JAZF1: variants seen among roughly 807,000 people sequenced by gnomAD.
JAZF1 encodes the protein JAZF zinc finger 1.
A neutral mutation model predicts 26.4 loss-of-function variants in JAZF1; 8 were observed. The ratio of observed to expected loss-of-function variants is 0.30; its 90% CI spans 0.18 to 0.55. The LOEUF (loss-of-function observed/expected upper bound fraction) is 0.55. Among genes scored for constraint, JAZF1 ranks in the 20% least tolerant of loss-of-function variants. The probability of loss-of-function intolerance (pLI) is 0.94; values close to 1 mark genes in which losing one functional copy is unlikely to be tolerated. For missense variants in JAZF1, 199 were observed against 322.0 expected, an observed-to-expected ratio of 0.62 and a Z score of 2.92; for synonymous variants, 126 against 122.3, an observed-to-expected ratio of 1.03 and a Z score of -0.20.
chr7:27,910,170 C>T (rs771716202), intron 2 of JAZF1, among the ~76,000 whole-genome samples: 1 of 152,104 alleles, frequency 6.6e-6, no homozygotes, highest in Non-Finnish European at 1.5e-5. Flanking sequence ...TGCTGTCTTG[C>T]ACAGTATAGT....
intron 2 of JAZF1, among the ~76,000 whole-genome samples, chr7:27,932,897 G>A (rs975025000): frequency 1.3e-5 from 2 of 152,116 alleles, no homozygotes; most frequent in African/African-American, 4.8e-5. Flanking sequence ...TGCTTCTTTA[G>A]GATGTTTTTG....
intron 2 of JAZF1, among the ~76,000 whole-genome samples, chr7:27,939,658 G>C (rs531420166): frequency 2.0e-5 from 3 of 152,072 alleles, no homozygotes; most frequent in Admixed American, 6.5e-5. Flanking sequence ...GCCTCCTAGA[G>C]GGGGAAGACC....
chr7:27,863,898 T>A (rs187709600), intron 3 of JAZF1: 1 of 152,182 alleles, frequency 6.6e-6, no homozygotes, highest in South Asian at 2.1e-4. Flanking sequence ...CCTGTCACAT[T>A]TCTCTCTGCC....
chr7:28,116,286 T>C (rs1395040519), intron 1 of JAZF1, among the ~76,000 whole-genome samples: 1 of 152,222 alleles, frequency 6.6e-6, no homozygotes, highest in Non-Finnish European at 1.5e-5. Context: ...CTGCTGATGT[T>C]TCCACAACTG....
intron 1 of JAZF1, among the ~76,000 whole-genome samples, chr7:28,074,943 C>A (rs1306633785): frequency 6.6e-6 from 1 of 152,140 alleles, no homozygotes; most frequent in Non-Finnish European, 1.5e-5. Context: ...AACAACTACT[C>A]CTGAATTGTG....
intron 2 of JAZF1, among the ~76,000 whole-genome samples, chr7:27,898,280 C>G (rs778846566): frequency 4.7e-4 from 24 of 50,762 alleles, no homozygotes; most frequent in Admixed American, 1.3e-3. Context: ...TTCTCTACGT[C>G]TAACTCATAT....
intron 1 of JAZF1, among the ~76,000 whole-genome samples, chr7:28,110,241 C>G (rs892037504): frequency 6.6e-6 from 1 of 151,940 alleles, no homozygotes; most frequent in Non-Finnish European, 1.5e-5. Context: ...GCCTGGCCAA[C>G]ACAGTGAAAC....
At chr7:28,069,939 T>A (rs1267382095) in intron 1 of JAZF1, among the ~76,000 whole-genome samples, 2 of 152,168 alleles carry the variant, frequency 1.3e-5, no homozygotes, top group East Asian at 1.9e-4. Flanking sequence ...GCCCACAGAC[T>A]GGGATGAAGC....
intron 2 of JAZF1, among the ~76,000 whole-genome samples, chr7:27,932,817 A>G (rs1332856211): frequency 6.6e-6 from 1 of 152,248 alleles, no homozygotes; most frequent in Admixed American, 6.5e-5. Flanking sequence ...TGGATAGGCT[A>G]CTGAAAAACA....
intron 1 of JAZF1, among the ~76,000 whole-genome samples, chr7:28,075,572 T>A (rs1258367185): frequency 6.6e-6 from 1 of 152,246 alleles, no homozygotes; most frequent in Non-Finnish European, 1.5e-5. Context: ...TTGTAATTGG[T>A]TGGTTTTCCC....
At chr7:27,961,621 G>T (rs1210033266) in intron 2 of JAZF1, among the ~76,000 whole-genome samples, 2 of 152,198 alleles carry the variant, frequency 1.3e-5, no homozygotes, top group Non-Finnish European at 2.9e-5. Context: ...AGAGGTGGCA[G>T]GAAAGAAGGA....
chr7:28,174,505 C>T (rs923059152), intron 1 of JAZF1, among the ~76,000 whole-genome samples: 1 of 152,200 alleles, frequency 6.6e-6, no homozygotes, highest in Non-Finnish European at 1.5e-5. Context: ...TAGGAGATAT[C>T]TCCGAAATAT....
In JAZF1 at chr7:27,998,071, A is replaced by AGGC. The variant is rs1554280811; in HGVS notation, c.116-6091_116-6090insGCC. Among the ~76,000 whole-genome samples, 714 of 111,552 alleles carry AGGC rather than the reference A, an allele frequency of 6.4e-3. 8 individuals are homozygous for AGGC. The highest frequency in any genetic ancestry group is 0.026 in the African/African-American group (637 of 24,334). The allele number at this position is 111,552 out of a possible 152,430, so 73.2% of individuals were successfully genotyped here. On this transcript the variant is annotated intron_variant, in intron 1 of 4. Transcript: ENST00000283928. ...GAAGGAAGGAAGGAAGGAAGGAAGG[A>AGGC]AGGCAGGCAGGCAGGCAGGCAGGCA...
At chr7:28,021,989 T>C (rs544896080) in intron 1 of JAZF1, among the ~76,000 whole-genome samples, 2 of 152,166 alleles carry the variant, frequency 1.3e-5, no homozygotes, top group Non-Finnish European at 2.9e-5. Flanking sequence ...GCTGTGAAGA[T>C]TAAATGAGAA....
At position 27,988,092 on chromosome 7, in the gene JAZF1, T is replaced by C. The variant is rs183419117; in HGVS notation, c.188+3817A>G. On this transcript the variant is annotated intron_variant, in intron 2 of 4. Coordinates refer to ENST00000283928, the MANE Select transcript of JAZF1 (RefSeq NM_175061.4). ...CTCTGCCTAGGAAAACCAGAGACCC[T>C]TGTTCACATGTTTATCTGCTGACCT... Among the ~76,000 whole-genome samples the C allele has an allele frequency of 1.0e-3, 153 of 152,158 alleles. 1 individual carries two copies. The highest frequency in any genetic ancestry group is 3.3e-3 in the African/African-American group (138 of 41,502).
At chr7:28,094,764 A>AT (rs1180095506) in intron 1 of JAZF1, among the ~76,000 whole-genome samples, 13 of 151,748 alleles carry the variant, frequency 8.6e-5, no homozygotes, top group African/African-American at 3.2e-4. Flanking sequence ...AAAAATTATT[A>AT]TTTTTTATTT....
Position 28,177,010 on chromosome 7 carries a change from C to T in JAZF1, c.115+3453G>A, listed in dbSNP as rs112582146. Among the ~76,000 whole-genome samples the T allele has an allele frequency of 3.3e-3, 497 of 152,246 alleles. 4 individuals are homozygous for T. The highest frequency in any genetic ancestry group is 5.0e-3 in the Non-Finnish European group (339 of 68,022). ...AAAATAAGAAGCAAGCAAACCTGGA[C>T]CTGCTTTTCCCATCTCCATGTAACA... On this transcript the variant is annotated intron_variant, in intron 1 of 4. Coordinates refer to ENST00000283928, the MANE Select transcript of JAZF1 (RefSeq NM_175061.4).
intron 3 of JAZF1, chr7:27,863,851 T>C (rs998488664): frequency 1.3e-5 from 2 of 152,198 alleles, no homozygotes; most frequent in African/African-American, 4.8e-5. Context: ...CTACCTGAGA[T>C]TCAGCTTCCA....
intron 1 of JAZF1, among the ~76,000 whole-genome samples, chr7:28,044,263 C>G (rs117562835): frequency 6.6e-6 from 1 of 152,192 alleles, no homozygotes; most frequent in Non-Finnish European, 1.5e-5. Context: ...CTTCCTTCCT[C>G]TCAACATTCC....
Sources: allele counts gnomAD v4.1 joint callset (sites outside exome capture counted in the v4.1 genomes callset), GRCh38; gene constraint gnomAD v4.1.1; transcripts MANE v1.5; gene names NCBI Gene and HGNC (gene_info 2026-07-23, HGNC 2026-07-21).